The following FGD4 variants were observed in gnomAD, a reference collection of about 807,000 sequenced individuals.
FGD4 encodes the protein FYVE, RhoGEF and PH domain containing 4.
In FGD4, 42 loss-of-function variants were observed where a neutral mutation model predicts 102.0. That is an observed-to-expected ratio of 0.41 (90% CI 0.32 to 0.53). FGD4 has a LOEUF of 0.53. FGD4 is among the 20% of genes least tolerant of loss of function. The pLI is 0.21. For synonymous variants in FGD4, 380 were observed against 375.7 expected, an observed-to-expected ratio of 1.01 and a Z score of -0.13; for missense variants, 902 against 1,078.2, an observed-to-expected ratio of 0.84 and a Z score of 2.29.
intron 5 of FGD4, among the ~76,000 whole-genome samples, chr12:32,599,253 G>A (rs1265428655): frequency 6.6e-6 from 1 of 151,354 alleles, no homozygotes; most frequent in Non-Finnish European, 1.5e-5. Flanking sequence ...CCAGCACTTT[G>A]GGAGGCCGAG....
intron 3 of FGD4, among the ~76,000 whole-genome samples, chr12:32,578,518 T>C (rs1478881884): frequency 6.6e-6 from 1 of 152,044 alleles, no homozygotes; most frequent in Non-Finnish European, 1.5e-5. Flanking sequence ...GTCAGAATGG[T>C]CATATCATAC....
At chr12:32,597,798 A>G (rs1367261216) in intron 4 of FGD4, among the ~76,000 whole-genome samples, 1 of 152,222 alleles carries the variant, frequency 6.6e-6, no homozygotes, top group Non-Finnish European at 1.5e-5. Flanking sequence ...CAAGATTAAC[A>G]ATGAGTTGAT....
intron 1 of FGD4, among the ~76,000 whole-genome samples, chr12:32,453,876 A>G (rs898280137): frequency 6.6e-5 from 10 of 152,104 alleles, no homozygotes; most frequent in African/African-American, 2.2e-4. Flanking sequence ...GATCAAAACT[A>G]TCTTTATATT....
intron 1 of FGD4, among the ~76,000 whole-genome samples, chr12:32,562,044 C>G (rs1049620637): frequency 3.3e-5 from 5 of 152,106 alleles, no homozygotes; most frequent in Non-Finnish European, 7.4e-5. Flanking sequence ...AGTTTCAAAT[C>G]GAGCCATTCT....
At chr12:32,597,358 G>C (rs573736181) in intron 4 of FGD4, among the ~76,000 whole-genome samples, 1 of 152,330 alleles carries the variant, frequency 6.6e-6, no homozygotes, top group East Asian at 1.9e-4. Flanking sequence ...GGACTTGGTA[G>C]CAGTCAGGAT....
chr12:32,571,531 A>G (rs1328440158), intron 2 of FGD4, among the ~76,000 whole-genome samples: 1 of 152,210 alleles, frequency 6.6e-6, no homozygotes, highest in Non-Finnish European at 1.5e-5. Context: ...TGAAACAAAG[A>G]TGAGATTCAT....
At chr12:32,415,688 G>T (rs1255329139) in intron 1 of FGD4, among the ~76,000 whole-genome samples, 1 of 152,086 alleles carries the variant, frequency 6.6e-6, no homozygotes, top group Non-Finnish European at 1.5e-5. Flanking sequence ...CCCAAATGCG[G>T]AGCCACCAGG....
intron 12 of FGD4, 34 bp from the exon 13 acceptor site, chr12:32,624,942 T>G: frequency 1.3e-6 from 2 of 1,561,130 alleles, no homozygotes; most frequent in Non-Finnish European, 1.8e-6. Context: ...ATGAGAAACT[T>G]TAATGTGTGC....
rs1285442797 is a variant in FGD4 at position 32,506,586 on chromosome 12, C to T, written c.167-57551C>T. On this transcript the variant is annotated intron_variant, in intron 1 of 16. Transcript: ENST00000534526. This position sits in a 1 kb window ranked among gnomAD's most constrained non-coding sequence, Gnocchi z 4.5. ...CAGGTATACGACCCGCACTTGCATA[C>T]TTAATCTCCCTTTCTTCTGCTCCCT... is the stretch of plus-strand genomic sequence containing the variant. Among the ~76,000 whole-genome samples the T allele has an allele frequency of 9.9e-5, 15 of 152,146 alleles. No homozygotes were observed. Among genetic ancestry groups the T allele is most frequent in the Non-Finnish European group, 2.1e-4 (14 of 68,030 alleles).
chr12:32,552,468 G>A (rs1943757007), intron 1 of FGD4, among the ~76,000 whole-genome samples: 1 of 133,506 alleles, frequency 7.5e-6, no homozygotes, highest in South Asian at 2.4e-4. Flanking sequence ...TTGTAGTAGA[G>A]ACAATGTTTC....
At chr12:32,413,737 TG>T (rs1432333348) in intron 1 of FGD4, among the ~76,000 whole-genome samples, 1 of 152,200 alleles carries the variant, frequency 6.6e-6, no homozygotes, top group Non-Finnish European at 1.5e-5. Flanking sequence ...GTGCTTTCTC[TG>T]GACCTCTGGA....
intron 15 of FGD4, among the ~76,000 whole-genome samples, chr12:32,634,792 C>T (rs1950697191): frequency 6.6e-6 from 1 of 152,140 alleles, no homozygotes; most frequent in Non-Finnish European, 1.5e-5. Context: ...AGATCAAGAC[C>T]ATCCTGGCCA....
At chr12:32,604,542 C>A (rs2136682636) in intron 7 of FGD4, among the ~76,000 whole-genome samples, 1 of 152,282 alleles carries the variant, frequency 6.6e-6, no homozygotes, top group Non-Finnish European at 1.5e-5. Flanking sequence ...GTGAATTTTT[C>A]TTTTCAATTA....
rs1028082907 is a variant in FGD4 at position 32,418,154 on chromosome 12, C to T, written c.166+18195C>T. Among the ~76,000 whole-genome samples, 11 of 151,990 alleles carry T rather than the reference C, an allele frequency of 7.2e-5. No homozygotes were observed. The South Asian group carries it at 1.0e-3, about 14-fold the overall frequency. ...TGTATTTTTAGTAGAGACGGGGTTTCGCTGTGTTAGCCAGGATGGTCTTGA... is the reference window on the plus strand; with the variant it reads ...TGTATTTTTAGTAGAGACGGGGTTTTGCTGTGTTAGCCAGGATGGTCTTGA... On this transcript the variant is annotated intron_variant, in intron 1 of 16. Transcript: ENST00000534526.
intron 1 of FGD4, among the ~76,000 whole-genome samples, chr12:32,425,868 C>T (rs1036695402): frequency 6.6e-6 from 1 of 152,108 alleles, no homozygotes; most frequent in Non-Finnish European, 1.5e-5. Flanking sequence ...ATTTGGCTCT[C>T]TGTTATTGGT....
At chr12:32,516,736 C>T (rs1307645121) in intron 1 of FGD4, among the ~76,000 whole-genome samples, 2 of 151,690 alleles carry the variant, frequency 1.3e-5, no homozygotes, top group African/African-American at 2.4e-5. Context: ...TGGTAAAATC[C>T]CAGGGTAGTT....
intron 1 of FGD4, among the ~76,000 whole-genome samples, chr12:32,423,327 C>G (rs1416755486): frequency 6.6e-6 from 1 of 152,092 alleles, no homozygotes; most frequent in Non-Finnish European, 1.5e-5. Flanking sequence ...CACGGTGACT[C>G]ACACCTGTAA....
At chr12:32,605,313 T>C (rs1948710037) in intron 7 of FGD4, among the ~76,000 whole-genome samples, 1 of 142,422 alleles carries the variant, frequency 7.0e-6, no homozygotes, top group African/African-American at 2.5e-5. Flanking sequence ...CCTCATCCCC[T>C]TCACTCCTTT....
rs567623071 is a variant in FGD4 at position 32,640,754 on chromosome 12, T to G, written c.*221T>G. On this transcript the variant is annotated 3_prime_UTR_variant, in exon 17 of 17. Coordinates refer to ENST00000534526, the MANE Select transcript of FGD4 (RefSeq NM_001370298.3). ...GAAATAATGTGAAAACTGGAGCATT[T>G]TTTGAGCTATTCCTTGAATATGTGC... 1.7e-5 allele frequency: 11 copies of G among 653,382 alleles called. No homozygotes were observed. The highest frequency in any genetic ancestry group is 2.3e-5 in the Non-Finnish European group (9 of 385,192). 40.5% of individuals were successfully genotyped at this position (653,382 alleles called of 1,614,324 possible). A position where few individuals can be genotyped will look rare whatever the true frequency, so the allele number is the denominator to read the frequency against.
Sources: gnomAD v4.1 joint callset for allele counts (sites outside exome capture counted in the v4.1 genomes callset) on GRCh38, gnomAD v4.1.1 for gene constraint, Gnocchi (gnomAD v3.1) non-coding constraint, MANE v1.5 for transcripts, NCBI Gene and HGNC (gene_info 2026-07-23, HGNC 2026-07-21) for gene names.